Variants in ZNF606 observed in about 807,000 individuals in gnomAD.
ZNF606 encodes zinc finger protein 328.
In ZNF606, 37 loss-of-function variants were observed where a neutral mutation model predicts 74.9. The observed-to-expected ratio is 0.49, with a 90% CI of 0.38 to 0.65. The LOEUF is 0.65. ZNF606 is among the 30% of genes least tolerant of loss of function. The pLI, the probability that ZNF606 is intolerant of heterozygous loss-of-function variation, is 0.00. For synonymous variants in ZNF606, 328 were observed against 312.4 expected, an observed-to-expected ratio of 1.05 and a Z score of -0.53; for missense variants, 852 against 952.9, an observed-to-expected ratio of 0.89 and a Z score of 1.39.
At chr19:58,000,379 G>A (rs1172474179) in intron 3 of ZNF606, 11 of 544,088 alleles carry the variant, frequency 2.0e-5, no homozygotes, top group South Asian at 2.6e-5. Context: ...CCACCACCAC[G>A]CCCAGCTAAT....
At chr19:57,997,947 G>A (rs1442429981) in intron 4 of ZNF606, 4 of 152,150 alleles carry the variant, frequency 2.6e-5, no homozygotes, top group Non-Finnish European at 4.4e-5. Context: ...CCTGGACCAG[G>A]GATAGCAACA....
upstream of ZNF606, chr19:58,003,025 C>T (rs757600560): frequency 9.2e-6 from 4 of 436,942 alleles, no homozygotes; most frequent in Non-Finnish European, 1.8e-5. Context: ...CCACCGTCGC[C>T]TCCCACTGCA....
chr19:57,995,201 A>G (rs1349440805), intron 4 of ZNF606, among the ~76,000 whole-genome samples: 1 of 151,440 alleles, frequency 6.6e-6, no homozygotes, highest in Non-Finnish European at 1.5e-5. Flanking sequence ...AAAAAAAAAA[A>G]AAAAAAAAAA....
At chr19:57,994,920 A>C (rs777798686) in intron 4 of ZNF606, among the ~76,000 whole-genome samples, 8 of 152,182 alleles carry the variant, frequency 5.3e-5, no homozygotes, top group Non-Finnish European at 7.3e-5. Flanking sequence ...ATGGTGGCTC[A>C]TGCCTGTAAT....
chr19:57,978,134 C>T lies in ZNF606; in HGVS notation c.*167G>A. The T allele has an allele frequency of 3.1e-6, 2 of 651,978 alleles. No homozygotes were observed. The highest frequency in any genetic ancestry group is 2.4e-6 in the Non-Finnish European group (1 of 420,772). 40.4% of individuals were successfully genotyped at this position (651,978 alleles called of 1,614,324 possible). A position where few individuals can be genotyped will look rare whatever the true frequency, so the allele number is the denominator to read the frequency against. On this transcript the variant is annotated 3_prime_UTR_variant, in exon 7 of 7. Coordinates refer to ENST00000551380, the MANE Select transcript of ZNF606 (RefSeq NM_001348022.3). This position sits in a 1 kb window ranked among gnomAD's most constrained non-coding sequence, Gnocchi z 4.4. The stretch of plus-strand genomic sequence containing the variant: ...GCTAAATAACTGCTGAAAGCTTTTC[C>T]CTATTCTTTTCCTTCATGGGGTTTC...
At chr19:57,981,045 A>G (rs570671271) in intron 6 of ZNF606, among the ~76,000 whole-genome samples, 1 of 152,318 alleles carries the variant, frequency 6.6e-6, no homozygotes, top group Non-Finnish European at 1.5e-5. Flanking sequence ...TGTGCAAACA[A>G]TGTCATTCAT....
chr19:57,988,646 T>A lies in ZNF606; in HGVS notation c.253A>T (p.Thr85Ser). The A allele has an allele frequency of 6.2e-7, 1 of 1,614,080 alleles. No individual in the cohort carries two copies. The highest frequency in any genetic ancestry group is 8.5e-7 in the Non-Finnish European group (1 of 1,180,002). Residue 85 changes from threonine to serine, a missense_variant, in exon 5 of 7, where the codon ACC becomes TCC. Physicochemically the swap from Thr to Ser is moderately conservative, Grantham distance 58. Coordinates refer to ENST00000551380, the MANE Select transcript of ZNF606 (RefSeq NM_001348022.3). ...TCCAGCATCACATCACGGTACAGGGTCCTCTGAACAAGGTCCAGCTGCCCC... is the reference window on the plus strand; with the variant it reads ...TCCAGCATCACATCACGGTACAGGGACCTCTGAACAAGGTCCAGCTGCCCC... ...EWGQLDLVQR[T>S]LYRDVMLETY...
At chr19:57,983,905 T>C (rs1218032345) in intron 6 of ZNF606, among the ~76,000 whole-genome samples, 1 of 152,226 alleles carries the variant, frequency 6.6e-6, no homozygotes, top group Non-Finnish European at 1.5e-5. Context: ...TCCAGTTGTT[T>C]TGTTACAAGG....
intron 6 of ZNF606, among the ~76,000 whole-genome samples, chr19:57,982,044 T>C (rs950713063): frequency 6.6e-6 from 1 of 152,230 alleles, no homozygotes; most frequent in Non-Finnish European, 1.5e-5. Flanking sequence ...CTTTCTGCTA[T>C]TGTAACAAAT....
chr19:58,002,994 C>T (rs1043729361), upstream of ZNF606: 8 of 454,930 alleles, frequency 1.8e-5, no homozygotes, highest in Non-Finnish European at 3.5e-5. Context: ...CTTTGTTGTC[C>T]CGGTCCCAGA....
intron 4 of ZNF606, among the ~76,000 whole-genome samples, chr19:57,995,935 A>C (rs1343755598): frequency 6.6e-6 from 1 of 152,262 alleles, no homozygotes; most frequent in Non-Finnish European, 1.5e-5. Context: ...TGGTGGAAAG[A>C]CAAAGAGTAA....
Position 57,978,553 on chromosome 19 carries a change from C to A in ZNF606, c.2127G>T (p.Arg709Ser). Residue 709 changes from arginine (R) to serine (S), a missense_variant, in exon 7 of 7, where the codon AGG (arginine) becomes AGT (serine). Transcript: ENST00000551380. This position sits in a 1 kb window ranked among gnomAD's most constrained non-coding sequence, Gnocchi z 4.4. ...TAAATGCTTTCCCACATTCATTACA[C>A]CTGTATGGTTTCTCTCCAGTATGAG... ...RRTHTGEKPYRCNECGKAFNE... is the reference protein window; with the variant it reads ...RRTHTGEKPYSCNECGKAFNE... The A allele has an allele frequency of 1.2e-6, 2 of 1,614,080 alleles. No individual in the cohort carries two copies. Among genetic ancestry groups the A allele is most frequent in the African/African-American group, 1.3e-5 (1 of 75,018 alleles).
At chr19:57,990,384 A>C (rs2073239455) in intron 4 of ZNF606, among the ~76,000 whole-genome samples, 1 of 151,102 alleles carries the variant, frequency 6.6e-6, no homozygotes. Context: ...AAAAGAAATC[A>C]ACTCAGGCCA....
chr19:57,982,573 T>A (rs1246594207), intron 6 of ZNF606, among the ~76,000 whole-genome samples: 2 of 152,042 alleles, frequency 1.3e-5, no homozygotes, highest in African/African-American at 2.4e-5. Flanking sequence ...GACCTTGCCC[T>A]CTCTCTCTGC....
rs753630064 is a variant in ZNF606, at chr19:57,979,890, T to C, written c.790A>G (p.Asn264Asp). 1.9e-6 allele frequency: 3 copies of C among 1,613,836 alleles called. No individual in the cohort carries two copies. The highest frequency in any genetic ancestry group is 2.5e-6 in the Non-Finnish European group (3 of 1,180,036). ...MYADKVTCEN[N>D]DYDKTVYQSI... ...TGATAAACAGTTTTGTCATAATCATTATTTTCACAGGTAACCTTATCTGCA... is the reference window on the plus strand; with the variant it reads ...TGATAAACAGTTTTGTCATAATCATCATTTTCACAGGTAACCTTATCTGCA... Residue 264 changes from asparagine (N) to aspartate (D), a missense_variant, in exon 7 of 7, where the codon AAT becomes GAT. This residue lies in a region of ZNF606 where 545 missense variants were observed against 542.5 expected (regional missense o/e 1.00). Coordinates refer to ENST00000551380, the MANE Select transcript of ZNF606 (RefSeq NM_001348022.3).
rs1026110482 is a variant in ZNF606 at position 58,002,460 on chromosome 19, G to T, written c.-116C>A. On this transcript the variant is annotated 5_prime_UTR_variant, in exon 1 of 7. Coordinates refer to ENST00000551380, the MANE Select transcript of ZNF606 (RefSeq NM_001348022.3). ...CAGGATCGGGGTCTGCCCGCCTGGG[G>T]CGTTTGGCTTTTGTCCCGCGCCGAG... 5 of 454,904 alleles carry T rather than the reference G, an allele frequency of 1.1e-5. No individual in the cohort carries two copies. Among genetic ancestry groups the T allele is most frequent in the Non-Finnish European group, 2.2e-5 (5 of 226,082 alleles). 28.2% of individuals were successfully genotyped at this position (454,904 alleles called of 1,614,324 possible).
At chr19:57,988,505 C>T (rs1314509718) in intron 5 of ZNF606, 90 bp downstream of exon 5, 1 of 1,539,084 alleles carries the variant, frequency 6.5e-7, no homozygotes, top group African/African-American at 1.4e-5. Context: ...GAGACACCAC[C>T]CTCGCCCCTG....
In ZNF606 at chr19:57,978,193, G is replaced by T; in HGVS notation, c.*108C>A. ...TGATATTTTCTAGTAAATAATGTGG[G>T]AGAAGTCTTACTGAACTCTTAATGA... On this transcript the variant is annotated 3_prime_UTR_variant, in exon 7 of 7. Coordinates refer to ENST00000551380, the MANE Select transcript of ZNF606 (RefSeq NM_001348022.3). The surrounding 1 kb of genome is among the most constrained non-coding windows in gnomAD (Gnocchi z 4.4). 1 of 1,100,092 alleles carries T rather than the reference G, an allele frequency of 9.1e-7. No individual in the cohort carries two copies. Among genetic ancestry groups the T allele is most frequent in the Non-Finnish European group, 1.3e-6 (1 of 791,374 alleles). The allele number at this position is 1,100,092 out of a possible 1,614,324, so 68.1% of individuals were successfully genotyped here.
rs1467401783 is a variant in ZNF606, at chr19:58,002,647, G to A, written c.-303C>T. On this transcript the variant is annotated 5_prime_UTR_variant, in exon 1 of 7. Transcript: ENST00000551380. ...CAGGCTGCTGGCTGGAGAACCGACG[G>A]CAACGACGGCGCAAAGCCGGCGCGG... is the stretch of plus-strand genomic sequence containing the variant. 3 of 453,390 alleles carry A rather than the reference G, an allele frequency of 6.6e-6. No homozygotes were observed. The highest frequency in any genetic ancestry group is 8.9e-6 in the Non-Finnish European group (2 of 225,618). The allele number at this position is 453,390 out of a possible 1,614,324, so 28.1% of individuals were successfully genotyped here.
Sources: gnomAD v4.1 joint callset for allele counts (sites outside exome capture counted in the v4.1 genomes callset) on GRCh38, gnomAD v4.1.1 for gene constraint, gnomAD v4.1.1 regional missense constraint, Gnocchi (gnomAD v3.1) non-coding constraint, MANE v1.5 for transcripts, NCBI Gene and HGNC (gene_info 2026-07-23, HGNC 2026-07-21) for gene names.